The following TRERF1 variants were observed in gnomAD, a reference collection of about 807,000 sequenced individuals.
TRERF1 encodes transcriptional-regulating factor 1.
Under a neutral mutation model 122.9 loss-of-function variants are expected in TRERF1, and 27 were observed. The observed-to-expected ratio is 0.22, with a 90% CI of 0.16 to 0.30. The LOEUF (loss-of-function observed/expected upper bound fraction) is 0.30. TRERF1 is among the 10% of genes least tolerant of loss of function. The pLI is 1.00. For synonymous variants in TRERF1, 636 were observed against 641.7 expected (o/e 0.99, Z 0.13); for missense variants, 1,248 against 1,560.3 (o/e 0.80, Z 3.37).
chr6:42,448,650 C>T (rs953779091), intron 2 of TRERF1, among the ~76,000 whole-genome samples: 7 of 152,206 alleles, frequency 4.6e-5, no homozygotes, highest in Admixed American at 2.6e-4. Context: ...AGGGAACTCA[C>T]GGATCAAACC....
At chr6:42,332,565 G>A (rs1765429494) in intron 3 of TRERF1, among the ~76,000 whole-genome samples, 1 of 152,160 alleles carries the variant, frequency 6.6e-6, no homozygotes, top group African/African-American at 2.4e-5. Context: ...ATTCCTTGAT[G>A]GAAGGGATGG....
intron 4 of TRERF1, among the ~76,000 whole-genome samples, chr6:42,271,004 T>A (rs996484041): frequency 2.6e-5 from 4 of 151,718 alleles, no homozygotes; most frequent in African/African-American, 4.8e-5. Flanking sequence ...CCTGACCTCA[T>A]GATCCGCCTG....
intron 2 of TRERF1, among the ~76,000 whole-genome samples, chr6:42,433,732 C>T (rs139998900): frequency 2.0e-5 from 3 of 152,204 alleles, no homozygotes; most frequent in African/African-American, 7.2e-5. Context: ...TTTAAAATTA[C>T]AAGGGCCAGG....
chr6:42,243,743 G>T (rs966383342), intron 14 of TRERF1, among the ~76,000 whole-genome samples: 1 of 151,852 alleles, frequency 6.6e-6, no homozygotes, highest in African/African-American at 2.4e-5. Flanking sequence ...ACCATGCCCG[G>T]CTAATTTTTT....
intron 14 of TRERF1, among the ~76,000 whole-genome samples, chr6:42,245,819 T>C (rs1034892398): frequency 6.6e-6 from 1 of 152,236 alleles, no homozygotes; most frequent in Non-Finnish European, 1.5e-5. Context: ...ATACGTAAAT[T>C]ATGTACGGCC....
intron 2 of TRERF1, among the ~76,000 whole-genome samples, chr6:42,378,118 T>C (rs1226853622): frequency 6.6e-6 from 1 of 152,128 alleles, no homozygotes; most frequent in African/African-American, 2.4e-5. Flanking sequence ...TAACAGCTCA[T>C]TGGCCAGGTT....
chr6:42,237,779 G>T (rs544368209), intron 15 of TRERF1, among the ~76,000 whole-genome samples: 1 of 152,214 alleles, frequency 6.6e-6, no homozygotes. Context: ...TTTGGATTTG[G>T]GGTGTGTGTG....
intron 3 of TRERF1, among the ~76,000 whole-genome samples, chr6:42,323,687 A>G (rs183096452): frequency 2.0e-5 from 3 of 152,314 alleles, no homozygotes; most frequent in South Asian, 2.1e-4. Context: ...AAGTGCAATA[A>G]TAGGTGCCTC....
intron 2 of TRERF1, among the ~76,000 whole-genome samples, chr6:42,411,103 A>G (rs974325253): frequency 6.6e-6 from 1 of 152,094 alleles, no homozygotes; most frequent in African/African-American, 2.4e-5. Flanking sequence ...AGGATGGGCA[A>G]CCCTCTGCAA....
intron 4 of TRERF1, among the ~76,000 whole-genome samples, chr6:42,292,622 T>G (rs918024904): frequency 6.6e-6 from 1 of 152,148 alleles, no homozygotes; most frequent in African/African-American, 2.4e-5. Context: ...AAAGAGGGAA[T>G]TGGTGTGGCC....
chr6:42,370,487 G>A (rs1581835713), intron 2 of TRERF1, among the ~76,000 whole-genome samples: 1 of 152,310 alleles, frequency 6.6e-6, no homozygotes, highest in Non-Finnish European at 1.5e-5. Flanking sequence ...GGGAGGCTAA[G>A]GCAAGGGAAT....
rs74410288 is a variant in TRERF1 at position 42,379,396 on chromosome 6, C to T, written c.-453-16317G>A. ...ATAGAGGAGACTAACCAAATCAAAC[C>T]ATCCTTAAAACCAAGGGCCTGGAGG... On this transcript the variant is annotated intron_variant, in intron 2 of 17. Coordinates refer to ENST00000372922, the Ensembl canonical transcript of TRERF1. 5.4e-3 allele frequency among the ~76,000 whole-genome samples: 827 copies of T among 152,220 alleles called. 6 individuals carry two copies. Among genetic ancestry groups the T allele is most frequent in the African/African-American group, 0.018 (768 of 41,532 alleles).
chr6:42,367,001 T>G (rs1581816312), intron 2 of TRERF1, among the ~76,000 whole-genome samples: 2 of 152,286 alleles, frequency 1.3e-5, no homozygotes, highest in South Asian at 4.1e-4. Flanking sequence ...AAAGGGGCAT[T>G]GTACTCCTCA....
intron 15 of TRERF1, 73 bp from the exon 16 acceptor site, chr6:42,236,484 G>A: frequency 6.6e-7 from 1 of 1,514,616 alleles, no homozygotes; most frequent in Non-Finnish European, 8.8e-7. Flanking sequence ...AGAACTCACA[G>A]ATCAACAGAG....
chr6:42,445,282 C>A lies in TRERF1; in HGVS notation c.-454+5895G>T, dbSNP rs28419236. On this transcript the variant is annotated intron_variant, in intron 2 of 17. Transcript: ENST00000372922. ...GACTCCATCTCAAAAAAAAAAAAAACAAAAAACGATGAAACAAATCCAATG... is the reference window on the plus strand; with the variant it reads ...GACTCCATCTCAAAAAAAAAAAAAAAAAAAAACGATGAAACAAATCCAATG... Among the ~76,000 whole-genome samples, 552 of 133,670 alleles carry A rather than the reference C, an allele frequency of 4.1e-3. 6 individuals carry two copies. Among genetic ancestry groups the A allele is most frequent in the South Asian group, 0.019 (72 of 3,818 alleles). The allele number at this position is 133,670 out of a possible 152,430, so 87.7% of individuals were successfully genotyped here.
intron 2 of TRERF1, among the ~76,000 whole-genome samples, chr6:42,378,897 C>T: frequency 6.6e-6 from 1 of 152,126 alleles, no homozygotes; most frequent in East Asian, 1.9e-4. Context: ...AGGCAGATTG[C>T]TTGAGTCCAG....
intron 3 of TRERF1, among the ~76,000 whole-genome samples, chr6:42,361,805 C>T (rs1771824015): frequency 6.6e-6 from 1 of 152,232 alleles, no homozygotes; most frequent in Non-Finnish European, 1.5e-5. Flanking sequence ...CCCACAGAGG[C>T]TCTGCCCTCC....
At chr6:42,267,681 T>G (rs6920611) in intron 5 of TRERF1, among the ~76,000 whole-genome samples, 1 of 152,178 alleles carries the variant, frequency 6.6e-6, no homozygotes, top group East Asian at 1.9e-4. Context: ...GTATTTATCC[T>G]GAGAACCCAC....
chr6:42,360,770 T>TAAAAAAAAAAAAAAAAAAA (rs1491517636), intron 3 of TRERF1, among the ~76,000 whole-genome samples: 3 of 64,046 alleles, frequency 4.7e-5, no homozygotes, highest in African/African-American at 1.4e-4. Flanking sequence ...AGTGGAGAGA[T>TAAAAAAAAAAAAAAAAAAA]TAAAAAAAAA....
Sources: allele counts gnomAD v4.1 joint callset (sites outside exome capture counted in the v4.1 genomes callset), GRCh38; gene constraint gnomAD v4.1.1; transcripts MANE v1.5; gene names NCBI Gene and HGNC (gene_info 2026-07-23, HGNC 2026-07-21).